Variants in TTC28 observed in about 807,000 individuals in gnomAD.
TTC28 encodes tetratricopeptide repeat domain 28.
A neutral mutation model predicts 198.0 loss-of-function variants in TTC28; 61 were observed. That is an observed-to-expected ratio of 0.31 (90% CI 0.25 to 0.38). The LOEUF is 0.38. TTC28 is among the 10% of genes least tolerant of loss of function. TTC28 has a pLI of 1.00. For synonymous variants in TTC28, 1,171 were observed against 1,297.8 expected, an observed-to-expected ratio of 0.90 and a Z score of 2.10; for missense variants, 2,678 against 3,164.0, an observed-to-expected ratio of 0.85 and a Z score of 3.69.
chr22:28,331,671 T>A (rs949216099), intron 2 of TTC28, among the ~76,000 whole-genome samples: 6 of 152,116 alleles, frequency 3.9e-5, no homozygotes, highest in Admixed American at 1.3e-4. Context: ...CACTTCCAAA[T>A]GTATTCATTA....
chr22:28,482,490 G>A (rs1255398739), intron 2 of TTC28, among the ~76,000 whole-genome samples: 1 of 151,900 alleles, frequency 6.6e-6, no homozygotes, highest in African/African-American at 2.4e-5. Context: ...TTACAGGCAT[G>A]AGCCACCGCG....
Position 28,671,872 on chromosome 22 carries a change from C to T in TTC28, c.102+7750G>A, listed in dbSNP as rs891730567. Among the ~76,000 whole-genome samples, 7 of 151,512 alleles carry T rather than the reference C, an allele frequency of 4.6e-5. No individual in the cohort carries two copies. In the South Asian group the frequency reaches 1.3e-3, roughly 27 times the overall value. On this transcript the variant is annotated intron_variant, in intron 1 of 22. Coordinates refer to ENST00000397906, the MANE Select transcript of TTC28 (RefSeq NM_001145418.2). ...TGTGTTTTTAGTAGAGACAGGGTTT[C>T]ACCATGATGCCCAGGCTGGTCTCGA...
At chr22:28,533,084 G>A (rs1401869051) in intron 2 of TTC28, among the ~76,000 whole-genome samples, 1 of 152,150 alleles carries the variant, frequency 6.6e-6, no homozygotes, top group African/African-American at 2.4e-5. Flanking sequence ...AAGAAATAAA[G>A]GGTATTCGAT....
At chr22:28,294,407 AATATAACATCTATG>A (rs2044849037) in intron 5 of TTC28, among the ~76,000 whole-genome samples, 1 of 152,170 alleles carries the variant, frequency 6.6e-6, no homozygotes, top group Admixed American at 6.5e-5. Context: ...TAACATCTAT[AATATAACATCTATG>A]ATATCATAGA....
At chr22:28,306,731 A>C in intron 2 of TTC28, 88 bp from the exon 3 acceptor site, 2 of 1,382,570 alleles carry the variant, frequency 1.4e-6, no homozygotes, top group Non-Finnish European at 2.0e-6. Flanking sequence ...GGTCAGCAGA[A>C]CTAAGATTGA....
At chr22:28,559,523 A>C (rs568201672) in intron 2 of TTC28, among the ~76,000 whole-genome samples, 3 of 152,056 alleles carry the variant, frequency 2.0e-5, no homozygotes, top group Non-Finnish European at 2.9e-5. Context: ...AACTGCCACC[A>C]CCCCGGCCTA....
rs372876919 is a variant in TTC28, at chr22:27,983,815, C to G, written c.5852G>C (p.Ser1951Thr). ...AGCAAGAGACTCGAGGGAGGAGGAG[C>G]TGTCAAGGCTGAGGCGCTTGGGTAG... is the stretch of plus-strand genomic sequence containing the variant. ...TELPKRLSLD[S>T]SSSLESLASA... is the part of the protein sequence containing the mutation. Residue 1951 changes from serine to threonine, a missense_variant, in exon 23 of 23, where the codon AGC becomes ACC. By Grantham distance (58) the Ser-to-Thr change is moderately conservative (BLOSUM62 1). This residue lies in a region of TTC28 where 314 missense variants were observed against 442.7 expected (regional missense o/e 0.71). Coordinates refer to ENST00000397906, the MANE Select transcript of TTC28 (RefSeq NM_001145418.2). 9.0e-6 allele frequency: 14 copies of G among 1,551,672 alleles called. No homozygotes were observed. Among genetic ancestry groups the G allele is most frequent in the Admixed American group, 2.0e-5 (1 of 50,996 alleles).
chr22:28,315,483 C>T (rs2045337280), intron 2 of TTC28, among the ~76,000 whole-genome samples: 1 of 152,138 alleles, frequency 6.6e-6, no homozygotes, highest in Non-Finnish European at 1.5e-5. Flanking sequence ...TGGTTACAAA[C>T]ATTTTCTTCT....
chr22:28,178,236 C>T (rs1923354850), intron 5 of TTC28, among the ~76,000 whole-genome samples: 1 of 151,358 alleles, frequency 6.6e-6, no homozygotes, highest in Admixed American at 6.6e-5. Context: ...GGACAGATCA[C>T]CTGAGGTCAG....
At chr22:28,513,647 A>G (rs1456749148) in intron 2 of TTC28, among the ~76,000 whole-genome samples, 1 of 152,196 alleles carries the variant, frequency 6.6e-6, no homozygotes, top group African/African-American at 2.4e-5. Flanking sequence ...TTCCCCATTA[A>G]AAAGGAGATT....
chr22:27,994,468 T>A (rs1175257332), intron 17 of TTC28: 5 of 150,692 alleles, frequency 3.3e-5, no homozygotes, highest in African/African-American at 7.3e-5. Context: ...TTTTTTTTTT[T>A]ACAGTAAACA....
chr22:28,282,193 C>T (rs1835278921), intron 5 of TTC28, among the ~76,000 whole-genome samples: 1 of 152,060 alleles, frequency 6.6e-6, no homozygotes, highest in South Asian at 2.1e-4. Flanking sequence ...ATATTTTGCC[C>T]ACAGTTTATA....
intron 2 of TTC28, among the ~76,000 whole-genome samples, chr22:28,540,093 G>A (rs979180019): frequency 1.3e-5 from 2 of 151,832 alleles, no homozygotes; most frequent in Admixed American, 1.3e-4. Flanking sequence ...AAAGGCACCC[G>A]CCACCACGCC....
At position 28,397,265 on chromosome 22, in the gene TTC28, A is replaced by G. The variant is rs565828288; in HGVS notation, c.382-90622T>C. Among the ~76,000 whole-genome samples the G allele has an allele frequency of 1.1e-4, 17 of 152,304 alleles. No individual in the cohort carries two copies. In the South Asian group the frequency reaches 3.5e-3, roughly 32 times the overall value. On this transcript the variant is annotated intron_variant, in intron 2 of 22. Coordinates refer to ENST00000397906, the MANE Select transcript of TTC28 (RefSeq NM_001145418.2). ...TATATAGCCCTTCATAACTTTCATA[A>G]AACCTTTGTATCCTTTAAAGCTCAT...
At chr22:28,310,175 A>AACAC (rs2045231394) in intron 2 of TTC28, among the ~76,000 whole-genome samples, 1 of 123,592 alleles carries the variant, frequency 8.1e-6, no homozygotes, top group Non-Finnish European at 1.6e-5. Flanking sequence ...CACACACACA[A>AACAC]AAAACAAGAC....
Position 28,432,989 on chromosome 22 carries a change from C to T in TTC28, c.382-126346G>A, listed in dbSNP as rs546122810. ...AGTGGGCCTGTCAGAACAGTTCACA[C>T]AGTCACTATGGTCTTGATGTTTCAT... On this transcript the variant is annotated intron_variant, in intron 2 of 22. Transcript: ENST00000397906. 8.5e-5 allele frequency among the ~76,000 whole-genome samples: 13 copies of T among 152,330 alleles called. No homozygotes were observed. The South Asian group carries it at 2.5e-3, about 29-fold the overall frequency.
intron 2 of TTC28, among the ~76,000 whole-genome samples, chr22:28,337,116 G>A (rs1442706302): frequency 2.0e-5 from 3 of 152,164 alleles, no homozygotes; most frequent in African/African-American, 7.2e-5. Context: ...TCATTCAGGA[G>A]CAGGTTGTTC....
At chr22:28,128,837 C>T (rs1942981797) in intron 6 of TTC28, among the ~76,000 whole-genome samples, 4 of 152,108 alleles carry the variant, frequency 2.6e-5, no homozygotes, top group Admixed American at 2.0e-4. Flanking sequence ...ACTACACCTG[C>T]CCTGGAATTT....
At chr22:28,538,556 C>CTTTTTTT (rs753754141) in intron 2 of TTC28, among the ~76,000 whole-genome samples, 3 of 109,536 alleles carry the variant, frequency 2.7e-5, no homozygotes, top group Non-Finnish European at 3.7e-5. Context: ...GCACCTTTCT[C>CTTTTTTT]TTTTTTTTTT....
Sources: allele counts gnomAD v4.1 joint callset (sites outside exome capture counted in the v4.1 genomes callset), GRCh38; gene constraint gnomAD v4.1.1; regional missense constraint gnomAD v4.1.1; transcripts MANE v1.5; gene names NCBI Gene and HGNC (gene_info 2026-07-23, HGNC 2026-07-21).